The following PSD3 variants were observed in gnomAD, a reference collection of about 807,000 sequenced individuals.
The protein encoded by PSD3 is PH and SEC7 domain-containing protein 3.
In PSD3, 49 loss-of-function variants were observed where a neutral mutation model predicts 105.5. The ratio of observed to expected loss-of-function variants is 0.46; its 90% confidence interval spans 0.37 to 0.59. PSD3 has a LOEUF of 0.59. Among genes scored for constraint, PSD3 ranks in the 20% least tolerant of loss-of-function variants. The pLI is 0.00. For synonymous variants in PSD3, 557 were observed against 457.8 expected, an observed-to-expected ratio of 1.22 and a Z score of -2.77; for missense variants, 1,561 against 1,263.8, an observed-to-expected ratio of 1.24 and a Z score of -3.57.
At chr8:18,796,226 T>A (rs535708130) in intron 8 of PSD3, among the ~76,000 whole-genome samples, 1 of 152,152 alleles carries the variant, frequency 6.6e-6, no homozygotes, top group Non-Finnish European at 1.5e-5. Context: ...TAGAGAAGTT[T>A]AACATGATCC....
chr8:18,644,392 T>C (rs867999038), intron 10 of PSD3, among the ~76,000 whole-genome samples: 3 of 152,358 alleles, frequency 2.0e-5, no homozygotes, highest in African/African-American at 4.8e-5. Context: ...TCTTAGCTCC[T>C]TGCTCATAAA....
intron 11 of PSD3, among the ~76,000 whole-genome samples, chr8:18,622,019 G>C (rs1229964849): frequency 2.0e-5 from 3 of 152,118 alleles, no homozygotes; most frequent in Admixed American, 1.3e-4. Context: ...TGACAGGCAG[G>C]TGTGTAAATC....
chr8:18,576,289 T>C (rs1802459405), intron 12 of PSD3, among the ~76,000 whole-genome samples: 1 of 152,116 alleles, frequency 6.6e-6, no homozygotes, highest in South Asian at 2.1e-4. Flanking sequence ...TAAATACCAG[T>C]GGTAATATAA....
In PSD3 at chr8:18,600,396, C is replaced by T; in HGVS notation, c.2449G>A (p.Val817Ile). 6 of 1,606,756 alleles carry T rather than the reference C, an allele frequency of 3.7e-6. No individual in the cohort carries two copies. The highest frequency in any genetic ancestry group is 5.1e-6 in the Non-Finnish European group (6 of 1,178,330). ...GKRGWKTFYA[V>I]LKGTVLYLQK... The stretch of plus-strand genomic sequence containing the variant: ...AAGTAAAGAACTGTTCCCTTCAGTA[C>T]AGCATAAAAGGTTTTCCATCCTCGT... Residue 817 changes from valine (V) to isoleucine (I), a missense_variant, in exon 12 of 16, where the codon GTA becomes ATA. Coordinates refer to ENST00000327040, the MANE Select transcript of PSD3 (RefSeq NM_015310.4).
At chr8:19,041,070 T>C (rs903054049) in intron 1 of PSD3, among the ~76,000 whole-genome samples, 5 of 152,016 alleles carry the variant, frequency 3.3e-5, no homozygotes, top group Admixed American at 1.3e-4. Context: ...TTTTTAAATG[T>C]GTTTTTTATA....
At chr8:18,909,479 A>T (rs1424971313) in intron 2 of PSD3, among the ~76,000 whole-genome samples, 2 of 151,952 alleles carry the variant, frequency 1.3e-5, no homozygotes, top group African/African-American at 2.4e-5. Flanking sequence ...TATTATTATT[A>T]TTTTTAATTT....
intron 8 of PSD3, among the ~76,000 whole-genome samples, chr8:18,771,186 T>C (rs1807491457): frequency 6.6e-6 from 1 of 151,922 alleles, no homozygotes. Flanking sequence ...AGGCCATGGG[T>C]GGTTTTGGAA....
chr8:18,896,679 T>C (rs1240381770), intron 2 of PSD3, among the ~76,000 whole-genome samples: 1 of 151,260 alleles, frequency 6.6e-6, no homozygotes, highest in East Asian at 2.0e-4. Flanking sequence ...TCCCAAAGTG[T>C]TGGAATTACA....
chr8:18,685,867 G>A (rs1026762388), intron 9 of PSD3, among the ~76,000 whole-genome samples: 22 of 152,212 alleles, frequency 1.4e-4, no homozygotes, highest in Middle Eastern at 6.8e-3. Context: ...AAAATGTCCC[G>A]TGTAAAAGAC....
At chr8:18,973,291 T>C (rs1824753995) in intron 1 of PSD3, among the ~76,000 whole-genome samples, 1 of 152,226 alleles carries the variant, frequency 6.6e-6, no homozygotes, top group African/African-American at 2.4e-5. Flanking sequence ...TCTAGATTTG[T>C]CTGCTTAGGC....
chr8:18,699,752 G>T (rs553400881), intron 9 of PSD3, among the ~76,000 whole-genome samples: 18 of 151,792 alleles, frequency 1.2e-4, no homozygotes, highest in Admixed American at 1.2e-3. Flanking sequence ...ATAGAATGGT[G>T]GGTGGTCACA....
chr8:19,015,846 C>A (rs1323522984), upstream of PSD3, among the ~76,000 whole-genome samples: 1 of 152,206 alleles, frequency 6.6e-6, no homozygotes, highest in Admixed American at 6.5e-5. Flanking sequence ...AAATGTGTTT[C>A]CAATTTCCAT....
chr8:18,801,363 A>G lies in PSD3; in HGVS notation c.1930T>C (p.Ser644Pro), dbSNP rs376053010. The G allele has an allele frequency of 5.0e-6, 8 of 1,600,868 alleles. No individual in the cohort carries two copies. Among genetic ancestry groups the G allele is most frequent in the Non-Finnish European group, 6.0e-6 (7 of 1,170,726 alleles). The change falls in exon 7 of 16, where the codon TCT becomes CCT. Residue 644 changes from serine (S) to proline (P), a missense_variant. By Grantham distance (74) the Ser-to-Pro change is moderately conservative. Coordinates refer to ENST00000327040, the MANE Select transcript of PSD3 (RefSeq NM_015310.4). Reference sequence around the variant, plus strand: ...CGTTCTTGAGTTTCTCCCACAAGAGAGAATGCTTTAAAGAAATACCTACAA... The same window carrying G: ...CGTTCTTGAGTTTCTCCCACAAGAGGGAATGCTTTAAAGAAATACCTACAA... The part of the protein sequence containing the change: ...QSLRYFFKAF[S>P]LVGETQERER...
At chr8:18,775,007 C>A in intron 8 of PSD3, 1 of 455,642 alleles carries the variant, frequency 2.2e-6, no homozygotes, top group Middle Eastern at 3.3e-4. Flanking sequence ...TTCTAAATCC[C>A]CTGTGCCCCT....
At chr8:18,607,554 A>T (rs970928468) in intron 11 of PSD3, among the ~76,000 whole-genome samples, 2 of 152,042 alleles carry the variant, frequency 1.3e-5, no homozygotes, top group Admixed American at 1.3e-4. Flanking sequence ...GGCCAGCTAA[A>T]CTAGATTCGG....
intron 4 of PSD3, among the ~76,000 whole-genome samples, chr8:18,812,311 T>G (rs932350757): frequency 6.6e-6 from 1 of 152,016 alleles, no homozygotes; most frequent in Non-Finnish European, 1.5e-5. Context: ...CTCTGCAGAG[T>G]TGGGGAACGA....
intron 1 of PSD3, among the ~76,000 whole-genome samples, chr8:18,942,345 T>G (rs116266130): frequency 7.0e-4 from 107 of 152,258 alleles, no homozygotes; most frequent in African/African-American, 2.5e-3. Flanking sequence ...TCCTGCTCAA[T>G]CCTATCTGCT....
intron 2 of PSD3, among the ~76,000 whole-genome samples, chr8:18,877,890 T>C (rs1277331179): frequency 6.6e-6 from 1 of 152,214 alleles, no homozygotes; most frequent in Non-Finnish European, 1.5e-5. Flanking sequence ...ATTGTAGCTT[T>C]GCAGTAAGTG....
At chr8:19,020,692 G>A (rs1449348688) in intron 1 of PSD3, among the ~76,000 whole-genome samples, 1 of 151,946 alleles carries the variant, frequency 6.6e-6, no homozygotes, top group African/African-American at 2.4e-5. Context: ...GGGCCAGGGT[G>A]GTGGCAAAGA....
Sources: gnomAD v4.1 joint callset for allele counts (sites outside exome capture counted in the v4.1 genomes callset) on GRCh38, gnomAD v4.1.1 for gene constraint, MANE v1.5 for transcripts, NCBI Gene and HGNC (gene_info 2026-07-23, HGNC 2026-07-21) for gene names.